The following HPSE2 variants were observed in gnomAD, a reference collection of about 807,000 sequenced individuals.
HPSE2 encodes heparanase 2 (inactive).
A neutral mutation model predicts 60.5 loss-of-function variants in HPSE2; 38 were observed. The ratio of observed to expected loss-of-function variants is 0.63; its 90% CI spans 0.48 to 0.82. The LOEUF is 0.82. Among genes scored for constraint, HPSE2 ranks in the 40% least tolerant of loss-of-function variants. HPSE2 has a pLI of 0.00. For synonymous variants in HPSE2, 295 were observed against 293.2 expected (o/e 1.01, Z -0.06); for missense variants, 713 against 740.4 (o/e 0.96, Z 0.43).
rs1452580704 is a variant in HPSE2, at chr10:98,931,814, T to A, written c.611-187758A>T. Among the ~76,000 whole-genome samples, 3 of 143,994 alleles carry A rather than the reference T, an allele frequency of 2.1e-5. 1 individual carries two copies. Among genetic ancestry groups the A allele is most frequent in the African/African-American group, 5.6e-5 (2 of 35,432 alleles). The allele number at this position is 143,994 out of a possible 152,430, so 94.5% of individuals were successfully genotyped here. ...AATGCTTGTGATTTCTGCACATTGA[T>A]TTTATATCCTGAGACTTTGCTAAAG... On this transcript the variant is annotated intron_variant, in intron 3 of 11. Coordinates refer to ENST00000370552, the MANE Select transcript of HPSE2 (RefSeq NM_021828.5).
intron 9 of HPSE2, among the ~76,000 whole-genome samples, chr10:98,595,746 G>C (rs1442650718): frequency 6.6e-6 from 1 of 152,176 alleles, no homozygotes; most frequent in Admixed American, 6.5e-5. Context: ...ATGTTGAGTA[G>C]AAATGGTGAG....
At chr10:98,852,113 A>ATGTGTGTGTG (rs1555017138) in intron 3 of HPSE2, among the ~76,000 whole-genome samples, 91 of 91,892 alleles carry the variant, frequency 9.9e-4, no homozygotes, top group African/African-American at 2.9e-3. Flanking sequence ...GTATATTATG[A>ATGTGTGTGTG]TGTGTGTGTG....
chr10:98,984,212 C>G (rs1026125967), intron 3 of HPSE2, among the ~76,000 whole-genome samples: 1 of 152,188 alleles, frequency 6.6e-6, no homozygotes. Flanking sequence ...GGTCCCTGAC[C>G]CCCAAGTAGC....
intron 2 of HPSE2, among the ~76,000 whole-genome samples, chr10:99,151,243 CA>C (rs755830716): frequency 0.011 from 1,420 of 127,636 alleles, 12 homozygotes; most frequent in East Asian, 0.039. Context: ...ACAAGCCATG[CA>C]AAAAAAAAAA....
intron 3 of HPSE2, among the ~76,000 whole-genome samples, chr10:99,112,356 C>T (rs1369464928): frequency 6.6e-6 from 1 of 152,210 alleles, no homozygotes; most frequent in Middle Eastern, 3.2e-3. Context: ...TCTCCTGCCT[C>T]AGCCTCCCGA....
intron 9 of HPSE2, among the ~76,000 whole-genome samples, chr10:98,493,073 G>C (rs542200133): frequency 6.6e-6 from 1 of 152,218 alleles, no homozygotes; most frequent in African/African-American, 2.4e-5. Flanking sequence ...CATAGTATTT[G>C]TCTTTTTGTG....
intron 3 of HPSE2, among the ~76,000 whole-genome samples, chr10:98,952,755 T>C (rs998564040): frequency 6.6e-6 from 1 of 152,170 alleles, no homozygotes; most frequent in Non-Finnish European, 1.5e-5. Context: ...GATTTGCAGA[T>C]GGCTACCTTC....
At chr10:98,719,077 T>C (rs993521059) in intron 5 of HPSE2, among the ~76,000 whole-genome samples, 1 of 152,224 alleles carries the variant, frequency 6.6e-6, no homozygotes, top group East Asian at 1.9e-4. Context: ...AGTCATGATT[T>C]ATAAAATCAA....
intron 9 of HPSE2, among the ~76,000 whole-genome samples, chr10:98,606,621 T>G (rs1945594422): frequency 6.6e-6 from 1 of 152,232 alleles, no homozygotes; most frequent in Admixed American, 6.5e-5. Flanking sequence ...ATCCTTTCAA[T>G]GCTTAAAACC....
At chr10:98,934,237 TTC>T (rs1954725855) in intron 3 of HPSE2, among the ~76,000 whole-genome samples, 1 of 144,222 alleles carries the variant, frequency 6.9e-6, no homozygotes, top group African/African-American at 2.8e-5. Context: ...CAGCTTGCCA[TTC>T]TGTGTCTTTT....
chr10:98,641,960 A>C lies in HPSE2; in HGVS notation c.1005-20T>G, dbSNP rs1565041677. 1 of 1,587,412 alleles carries C rather than the reference A, an allele frequency of 6.3e-7. No homozygotes were observed. The highest frequency in any genetic ancestry group is 8.6e-7 in the Non-Finnish European group (1 of 1,156,600). On this transcript the variant is annotated intron_variant, in intron 6 of 11. Coordinates refer to ENST00000370552, the MANE Select transcript of HPSE2 (RefSeq NM_021828.5). ...TAGCAACTGGAATAAAAATAAAATA[A>C]GAATCAGATAAAATCTCAAGCAAGG...
intron 2 of HPSE2, among the ~76,000 whole-genome samples, chr10:99,194,193 T>C (rs1848316215): frequency 6.6e-6 from 1 of 151,694 alleles, no homozygotes; most frequent in African/African-American, 2.4e-5. Flanking sequence ...ATGAAGAAAC[T>C]AAGAAGAAAA....
At chr10:98,489,208 G>A (rs903236429) in intron 10 of HPSE2, among the ~76,000 whole-genome samples, 1 of 152,200 alleles carries the variant, frequency 6.6e-6, no homozygotes, top group Non-Finnish European at 1.5e-5. Context: ...GCCTTAAACA[G>A]GAAGTGATGT....
chr10:99,162,516 A>G (rs999059823), intron 2 of HPSE2, among the ~76,000 whole-genome samples: 2 of 152,190 alleles, frequency 1.3e-5, no homozygotes, highest in Admixed American at 6.5e-5. Context: ...CCTGTCTTCA[A>G]TGCAGCCACT....
chr10:99,079,563 T>A (rs972790178), intron 3 of HPSE2, among the ~76,000 whole-genome samples: 1 of 152,110 alleles, frequency 6.6e-6, no homozygotes, highest in Non-Finnish European at 1.5e-5. Flanking sequence ...GGGGTTATGG[T>A]AAACGCCAGC....
At chr10:99,301,981 A>T in the HPSE2 span, among the ~76,000 whole-genome samples, 1 of 151,842 alleles carries the variant, frequency 6.6e-6, no homozygotes, top group African/African-American at 2.4e-5. Context: ...ACTCATTCCT[A>T]TGTGGAAACC....
chr10:98,777,930 T>G (rs946310328), intron 3 of HPSE2, among the ~76,000 whole-genome samples: 1 of 152,104 alleles, frequency 6.6e-6, no homozygotes, highest in African/African-American at 2.4e-5. Flanking sequence ...CAGGTATGCC[T>G]AACGCAAACA....
chr10:99,018,770 T>C (rs1957198086), intron 3 of HPSE2, among the ~76,000 whole-genome samples: 1 of 152,172 alleles, frequency 6.6e-6, no homozygotes, highest in South Asian at 2.1e-4. Flanking sequence ...ATGGACTACC[T>C]CTTGGGACTC....
intron 3 of HPSE2, among the ~76,000 whole-genome samples, chr10:99,117,455 A>G (rs886522073): frequency 3.5e-5 from 5 of 141,018 alleles, no homozygotes; most frequent in Admixed American, 7.2e-5. Context: ...AAAAACTAAT[A>G]AAATAGATAG....
Sources: gnomAD v4.1 joint callset for allele counts (sites outside exome capture counted in the v4.1 genomes callset) on GRCh38, gnomAD v4.1.1 for gene constraint, MANE v1.5 for transcripts, NCBI Gene and HGNC (gene_info 2026-07-23, HGNC 2026-07-21) for gene names.